TAF7L: variants seen among roughly 807,000 people sequenced by gnomAD.
The protein encoded by TAF7L is TATA-box binding protein associated factor 7 like.
In TAF7L, 6 loss-of-function variants were observed where a neutral mutation model predicts 30.2. The observed-to-expected ratio is 0.20, with a 90% CI of 0.11 to 0.39. The LOEUF is 0.39. Ranked by LOEUF, TAF7L falls within the 10% of genes least tolerant of loss-of-function variation. TAF7L has a pLI of 1.00. For missense variants in TAF7L, 284 were observed against 277.1 expected, an observed-to-expected ratio of 1.03 and a Z score of -0.18; for synonymous variants, 93 against 94.5, an observed-to-expected ratio of 0.98 and a Z score of 0.09.
chrX:101,273,599 AG>A (rs1355652632), intron 12 of TAF7L, among the ~76,000 whole-genome samples: 1 of 110,722 alleles, frequency 9.0e-6, no homozygotes, highest in African/African-American at 3.3e-5. Context: ...AAAAAAAAAA[AG>A]TTTAAATTAG....
At chrX:101,283,047 C>A (rs188817362) in intron 4 of TAF7L, among the ~76,000 whole-genome samples, 96 of 111,905 alleles carry the variant, frequency 8.6e-4, no homozygotes, top group Non-Finnish European at 1.4e-3. Flanking sequence ...TAGGCATGAG[C>A]CATTGTGTCT....
In TAF7L at chrX:101,270,215, C is replaced by T. The variant is rs761710584; in HGVS notation, c.1087-978G>A. 4.5e-5 allele frequency among the ~76,000 whole-genome samples: 5 copies of T among 112,054 alleles called. No homozygotes were observed. The South Asian group carries it at 1.9e-3, about 42-fold the overall frequency. On this transcript the variant is annotated intron_variant, in intron 12 of 12. Coordinates refer to ENST00000356784, the MANE Select transcript of TAF7L (RefSeq NM_001168474.2). The stretch of plus-strand genomic sequence containing the variant: ...TCAGAGATGTATGCCATCTTTACAA[C>T]AAAGGTTGTTTTTGAATATTATTCA...
Position 101,286,696 on chromosome X carries a change from T to C in TAF7L, c.67-43A>G, listed in dbSNP as rs143487194. 1.4e-3 allele frequency: 1,416 copies of C among 1,014,672 alleles called. 8 individuals are homozygous for C. The African/African-American group carries it at 0.024, about 17-fold the overall frequency. 83.6% of individuals were successfully genotyped at this position (1,014,672 alleles called of 1,213,427 possible). ...TGAAAAATCAGAAGAACTAAACATC[T>C]ACTTGGCAGCTAACAGAATAGATAT... On this transcript the variant is annotated intron_variant, in intron 2 of 12. Coordinates refer to ENST00000356784, the MANE Select transcript of TAF7L (RefSeq NM_001168474.2).
intron 6 of TAF7L, among the ~76,000 whole-genome samples, chrX:101,280,689 T>C (rs751571756): frequency 8.9e-6 from 1 of 111,914 alleles, no homozygotes; most frequent in Non-Finnish European, 1.9e-5. Flanking sequence ...GCTTTATTTA[T>C]AATAGTCAAA....
At chrX:101,269,793 G>T (rs1923910395) in intron 12 of TAF7L, among the ~76,000 whole-genome samples, 1 of 110,840 alleles carries the variant, frequency 9.0e-6, no homozygotes, top group Non-Finnish European at 1.9e-5. Context: ...ATTTGGGTGG[G>T]GACACAGACA....
chrX:101,288,290 C>T (rs1984619521), intron 1 of TAF7L, among the ~76,000 whole-genome samples: 1 of 109,745 alleles, frequency 9.1e-6, no homozygotes, highest in Admixed American at 9.7e-5. Flanking sequence ...TACAGGCATG[C>T]ACCACCACAC....
intron 4 of TAF7L, 120 bp downstream of exon 4, chrX:101,283,330 G>T: frequency 1.3e-6 from 1 of 786,804 alleles, no homozygotes; most frequent in Non-Finnish European, 1.8e-6. Context: ...AGTCAATCTG[G>T]AAATTAGAAA....
At chrX:101,284,451 G>GC (rs1475264076) in intron 3 of TAF7L, among the ~76,000 whole-genome samples, 2 of 111,850 alleles carry the variant, frequency 1.8e-5, no homozygotes, top group African/African-American at 6.5e-5. Flanking sequence ...TGCAATCTCC[G>GC]CCCCCTGGGT....
chrX:101,278,846 C>T (rs780800971), intron 7 of TAF7L, 148 bp downstream of exon 7: 4 of 443,012 alleles, frequency 9.0e-6, no homozygotes, highest in Non-Finnish European at 1.6e-5. Context: ...GTGAATCAAA[C>T]CCAGTGTATG....
chrX:101,281,576 T>C, intron 6 of TAF7L, 144 bp downstream of exon 6: 1 of 560,122 alleles, frequency 1.8e-6, no homozygotes, highest in Non-Finnish European at 3.0e-6. Context: ...ATACAGTGCC[T>C]GGCATTTAGT....
intron 6 of TAF7L, among the ~76,000 whole-genome samples, chrX:101,280,046 T>TAAAA (rs35674743): frequency 2.3e-5 from 2 of 87,534 alleles, no homozygotes; most frequent in Non-Finnish European, 2.3e-5. Flanking sequence ...TAAAAAGATG[T>TAAAA]AAAAAAAAAA....
At chrX:101,288,665 C>A (rs1265047511) in intron 1 of TAF7L, among the ~76,000 whole-genome samples, 1 of 110,046 alleles carries the variant, frequency 9.1e-6, no homozygotes, top group Non-Finnish European at 1.9e-5. Context: ...CTTCGAATGC[C>A]CCCAAAAGCT....
At chrX:101,278,864 G>T in intron 7 of TAF7L, 130 bp downstream of exon 7, 4 of 525,573 alleles carry the variant, frequency 7.6e-6, no homozygotes, top group Non-Finnish European at 9.6e-6. Context: ...ATGTGTTTAG[G>T]ATGAGGGTTA....
At position 101,291,264 on chromosome X, in the gene TAF7L, G is replaced by C. The variant is rs1924787392; in HGVS notation, c.-43C>G. The C allele has an allele frequency of 1.3e-6, 1 of 752,954 alleles. No individual in the cohort carries two copies. The highest frequency in any genetic ancestry group is 8.6e-5 in the Admixed American group (1 of 11,585). 62.1% of individuals were successfully genotyped at this position (752,954 alleles called of 1,213,427 possible). ...CTGGCGCCGACACCGAAAAGGCTGG[G>C]ACCTGCGTCTCTGGTCTGTGGGTTC... On this transcript the variant is annotated 5_prime_UTR_variant, in exon 1 of 13. Coordinates refer to ENST00000356784, the MANE Select transcript of TAF7L (RefSeq NM_001168474.2).
In TAF7L at chrX:101,268,963, CAA is replaced by C; in HGVS notation, c.*228_*229del. On this transcript the variant is annotated 3_prime_UTR_variant, in exon 13 of 13. Coordinates refer to ENST00000356784, the MANE Select transcript of TAF7L (RefSeq NM_001168474.2). The stretch of plus-strand genomic sequence containing the variant: ...TTAATAATAATAATTCCCAAATTGA[CAA>C]AGAGAAAGTCTCATGGTCGAGTGGG... The C allele has an allele frequency of 3.3e-6, 1 of 301,503 alleles. No individual in the cohort carries two copies. The highest frequency in any genetic ancestry group is 4.9e-5 in the East Asian group (1 of 20,341). 24.8% of individuals were successfully genotyped at this position (301,503 alleles called of 1,213,427 possible). A position where few individuals can be genotyped will look rare whatever the true frequency, so the allele number is the denominator to read the frequency against.
chrX:101,275,824 G>T (rs1924146533), intron 11 of TAF7L, among the ~76,000 whole-genome samples, 176 bp downstream of exon 11: 1 of 111,587 alleles, frequency 9.0e-6, no homozygotes, highest in African/African-American at 3.3e-5. Context: ...TATATTAGAT[G>T]ATCAAAATTA....
rs771283869 is a variant in TAF7L, at chrX:101,274,883, T to C, written c.1086+339A>G. ...ATATGCTATAGGAACTTAATTCTTC[T>C]TTATATCAATTAGCCTATAGTAAAA... On this transcript the variant is annotated intron_variant, in intron 12 of 12. Transcript: ENST00000356784. Among the ~76,000 whole-genome samples the C allele has an allele frequency of 2.8e-4, 31 of 112,598 alleles. No homozygotes were observed. The South Asian group carries it at 0.011, about 40-fold the overall frequency.
At chrX:101,290,772 C>A (rs1924767577) in intron 1 of TAF7L, among the ~76,000 whole-genome samples, 2 of 111,808 alleles carry the variant, frequency 1.8e-5, no homozygotes, top group Admixed American at 1.9e-4. Context: ...GAAAAAGCAT[C>A]CACTTTTTTC....
In TAF7L at chrX:101,276,063, C is replaced by G. The variant is rs1197798961; in HGVS notation, c.963G>C (p.Lys321Asn). ...QIEKKEKKLHKIQNKAQRQKD... is the reference protein window; with the variant it reads ...QIEKKEKKLHNIQNKAQRQKD... Reference sequence around the variant, plus strand: ...TCTGTCTTTGTGCTTTATTCTGAATCTTATGGAGCTTTTTCTCCTTTTTCT... The same window carrying G: ...TCTGTCTTTGTGCTTTATTCTGAATGTTATGGAGCTTTTTCTCCTTTTTCT... The change falls in exon 11 of 13, where the codon AAG (lysine) becomes AAC (asparagine). Residue 321 changes from lysine to asparagine, a missense_variant. Transcript: ENST00000356784. The G allele has an allele frequency of 8.3e-7, 1 of 1,206,812 alleles. No homozygotes were observed. Among genetic ancestry groups the G allele is most frequent in the Non-Finnish European group, 1.1e-6 (1 of 894,122 alleles).
Sources: allele counts gnomAD v4.1 joint callset (sites outside exome capture counted in the v4.1 genomes callset), GRCh38; gene constraint gnomAD v4.1.1; transcripts MANE v1.5; gene names NCBI Gene and HGNC (gene_info 2026-07-23, HGNC 2026-07-21).